The following CTIF variants were observed in gnomAD, a reference collection of about 807,000 sequenced individuals.
CTIF encodes the protein cap binding complex dependent translation initiation factor, also known as CBP80/20-dependent translation initiation factor.
In CTIF, 21 loss-of-function variants were observed where a neutral mutation model predicts 66.0. The ratio of observed to expected loss-of-function variants is 0.32; its 90% confidence interval spans 0.23 to 0.46. The LOEUF is 0.46. Ranked by LOEUF, CTIF falls within the 20% of genes least tolerant of loss-of-function variation. The pLI is 1.00. For missense variants in CTIF, 739 were observed against 812.7 expected (o/e 0.91, Z 1.10); for synonymous variants, 345 against 326.4 (o/e 1.06, Z -0.62).
At chr18:48,842,564 C>G (rs560187968) in intron 10 of CTIF, among the ~76,000 whole-genome samples, 6 of 152,206 alleles carry the variant, frequency 3.9e-5, no homozygotes, top group East Asian at 1.9e-4. Context: ...ACCCCCAAGA[C>G]TCTCAGACTT....
chr18:48,819,032 C>G (rs2068428047), intron 10 of CTIF, among the ~76,000 whole-genome samples: 3 of 152,182 alleles, frequency 2.0e-5, no homozygotes, highest in Admixed American at 6.5e-5. Context: ...GTTTTTGAAG[C>G]ATCCGTTTAT....
At chr18:48,625,260 G>C (rs1255871090) in intron 2 of CTIF, 3 of 978,482 alleles carry the variant, frequency 3.1e-6, no homozygotes, top group Non-Finnish European at 3.6e-6. Context: ...AGGACTGCGG[G>C]GTGGTTCAGC....
At chr18:48,748,647 A>G (rs1907491802) in intron 7 of CTIF, among the ~76,000 whole-genome samples, 1 of 152,202 alleles carries the variant, frequency 6.6e-6, no homozygotes, top group South Asian at 2.1e-4. Flanking sequence ...CCACCCAGCT[A>G]GACCAAGGCA....
At chr18:48,720,845 G>A (rs2092328488) in intron 7 of CTIF, among the ~76,000 whole-genome samples, 1 of 152,150 alleles carries the variant, frequency 6.6e-6, no homozygotes, top group Admixed American at 6.5e-5. Flanking sequence ...GCAGAGAGTG[G>A]CCCTGTTGAG....
At chr18:48,809,572 G>A (rs1239097944) in intron 9 of CTIF, among the ~76,000 whole-genome samples, 4 of 152,032 alleles carry the variant, frequency 2.6e-5, no homozygotes, top group Non-Finnish European at 2.9e-5. Context: ...ATAGGGAACT[G>A]GTTGGAAAGC....
chr18:48,653,317 C>T (rs1303507852), intron 3 of CTIF, among the ~76,000 whole-genome samples: 1 of 152,194 alleles, frequency 6.6e-6, no homozygotes, highest in African/African-American at 2.4e-5. Flanking sequence ...AAATCACAAG[C>T]ATTCCTATAC....
chr18:48,714,743 C>A (rs1222039463), intron 7 of CTIF, among the ~76,000 whole-genome samples: 2 of 152,200 alleles, frequency 1.3e-5, no homozygotes, highest in African/African-American at 4.8e-5. Context: ...TAGGGACATG[C>A]CCTGGAATTA....
At chr18:48,856,210 G>A (rs920464819) in intron 10 of CTIF, among the ~76,000 whole-genome samples, 1 of 152,238 alleles carries the variant, frequency 6.6e-6, no homozygotes, top group Non-Finnish European at 1.5e-5. Context: ...CAGCACACCA[G>A]TGCTGCTGGG....
intron 9 of CTIF, among the ~76,000 whole-genome samples, chr18:48,810,355 G>C (rs60117081): frequency 1.4e-3 from 209 of 152,090 alleles, no homozygotes; most frequent in African/African-American, 4.8e-3. Flanking sequence ...TTTCATTATA[G>C]TTTTGACCAC....
rs1282636425 is a variant in CTIF at position 48,700,078 on chromosome 18, A to G, written c.508-11541A>G. 3.3e-5 allele frequency among the ~76,000 whole-genome samples: 5 copies of G among 152,204 alleles called. No individual in the cohort carries two copies. In the South Asian group the frequency reaches 8.3e-4, roughly 25 times the overall value. ...CCCCACCCAGATTTCACTTTGAATT[A>G]TAATAATTGCCACGTGTCAAGGGCT... On this transcript the variant is annotated intron_variant, in intron 6 of 11. Coordinates refer to ENST00000256413, the MANE Select transcript of CTIF (RefSeq NM_014772.3).
chr18:48,706,672 C>G (rs530760204), intron 6 of CTIF, among the ~76,000 whole-genome samples: 619 of 152,280 alleles, frequency 4.1e-3, no homozygotes, highest in Middle Eastern at 0.02. Flanking sequence ...TCAGCCTGCC[C>G]TGGAGTGGGC....
At chr18:48,791,322 G>A (rs953231123) in intron 9 of CTIF, among the ~76,000 whole-genome samples, 2 of 152,250 alleles carry the variant, frequency 1.3e-5, no homozygotes, top group African/African-American at 4.8e-5. Flanking sequence ...CAAGCCCTGA[G>A]CCCCAAGCTC....
chr18:48,689,145 T>A (rs1256616093), intron 6 of CTIF, among the ~76,000 whole-genome samples: 1 of 152,232 alleles, frequency 6.6e-6, no homozygotes, highest in East Asian at 1.9e-4. Context: ...CATCCCGCAC[T>A]GGCAGTTGTA....
At chr18:48,847,076 G>A (rs968757983) in intron 10 of CTIF, among the ~76,000 whole-genome samples, 2 of 152,134 alleles carry the variant, frequency 1.3e-5, no homozygotes, top group African/African-American at 4.8e-5. Context: ...TTGGGAGGCT[G>A]AGGCAGGCAA....
At chr18:48,591,261 C>A (rs2089881726) in intron 1 of CTIF, among the ~76,000 whole-genome samples, 1 of 152,246 alleles carries the variant, frequency 6.6e-6, no homozygotes, top group African/African-American at 2.4e-5. Flanking sequence ...TCCCATCACC[C>A]CACCTTGTGG....
chr18:48,628,235 T>C (rs924037779), intron 2 of CTIF, among the ~76,000 whole-genome samples: 2 of 152,124 alleles, frequency 1.3e-5, no homozygotes, highest in African/African-American at 4.8e-5. Flanking sequence ...AAGATAGTAT[T>C]AGTCACCTTA....
At position 48,552,705 on chromosome 18, in the gene CTIF, G is replaced by T. The variant is rs375017802; in HGVS notation, c.-29+13393G>T. ...ATTTCTAACTTGTGAATTTTGGGGG[G>T]ATACATTCAGACAGTAGCGGAGGTT... On this transcript the variant is annotated intron_variant, in intron 1 of 11. Coordinates refer to ENST00000256413, the MANE Select transcript of CTIF (RefSeq NM_014772.3). 1.6e-4 allele frequency among the ~76,000 whole-genome samples: 24 copies of T among 152,248 alleles called. No homozygotes were observed. The South Asian group carries it at 4.8e-3, about 30-fold the overall frequency.
At chr18:48,678,397 T>C (rs2091675557) in intron 6 of CTIF, among the ~76,000 whole-genome samples, 1 of 151,966 alleles carries the variant, frequency 6.6e-6, no homozygotes. Flanking sequence ...GAGAGCCCCT[T>C]TCCCTCCCCA....
At chr18:48,699,397 G>GCTGGGT (rs2092051356) in intron 6 of CTIF, among the ~76,000 whole-genome samples, 1 of 144,994 alleles carries the variant, frequency 6.9e-6, no homozygotes, top group African/African-American at 2.7e-5. Flanking sequence ...CCAGCATGGG[G>GCTGGGT]CTGGGGCTGG....
Sources: allele counts gnomAD v4.1 joint callset (sites outside exome capture counted in the v4.1 genomes callset), GRCh38; gene constraint gnomAD v4.1.1; transcripts MANE v1.5; gene names NCBI Gene and HGNC (gene_info 2026-07-23, HGNC 2026-07-21).